The following G6PC1 variants were observed in gnomAD, a reference collection of about 807,000 sequenced individuals.
G6PC1 encodes the protein glucose-6-phosphatase catalytic subunit 1.
Under a neutral mutation model 30.4 loss-of-function variants are expected in G6PC1, and 23 were observed. The ratio of observed to expected loss-of-function variants is 0.76; its 90% CI spans 0.55 to 1.07. The LOEUF is 1.07. Ranked by LOEUF, G6PC1 falls within the 50% of genes least tolerant of loss-of-function variation. The pLI, the probability that G6PC1 is intolerant of heterozygous loss-of-function variation, is 0.00. For synonymous variants in G6PC1, 163 were observed against 175.6 expected (o/e 0.93, Z 0.57); for missense variants, 391 against 433.9 (o/e 0.90, Z 0.88).
Position 42,910,997 on chromosome 17 carries a change from C to T in G6PC1, c.645C>T (p.Phe215=). The change falls in exon 5 of 5, where the codon TTC becomes TTT. Residue 215 remains phenylalanine (F), a synonymous_variant. Transcript: ENST00000253801. ...AGAAATATTTTCTCATTACCTTCTT[C>T]CTGTTCAGCTTCGCCATCGGATTTT... ...SLKKYFLITF[F]LFSFAIGFYL... 1.2e-6 allele frequency: 2 copies of T among 1,614,210 alleles called. No individual in the cohort carries two copies. The highest frequency in any genetic ancestry group is 1.7e-6 in the Non-Finnish European group (2 of 1,180,040).
intron 3 of G6PC1, among the ~76,000 whole-genome samples, 172 bp from the exon 4 acceptor site, chr17:42,909,131 G>T (rs946800170): frequency 6.6e-6 from 1 of 152,044 alleles, no homozygotes; most frequent in Non-Finnish European, 1.5e-5. Flanking sequence ...GGTCTGAGCC[G>T]CTGCACCCAG....
rs972896862 is a variant in G6PC1, at chr17:42,913,911, G to A, written c.*2485G>A. Among the ~76,000 whole-genome samples the A allele has an allele frequency of 2.0e-5, 3 of 152,212 alleles. No individual in the cohort carries two copies. The highest frequency in any genetic ancestry group is 2.1e-4 in the South Asian group (1 of 4,822). ...CTGGGTGCAGGGTTCGACCTCCAAAGGCCTCAAATCATCACCGTATCAATG... is the reference window on the plus strand; with the variant it reads ...CTGGGTGCAGGGTTCGACCTCCAAAAGCCTCAAATCATCACCGTATCAATG... On this transcript the variant is annotated 3_prime_UTR_variant, in exon 5 of 5. Coordinates refer to ENST00000253801, the MANE Select transcript of G6PC1 (RefSeq NM_000151.4).
Position 42,911,193 on chromosome 17 carries a change from A to T in G6PC1, c.841A>T (p.Arg281Trp). ...GCTGGCTCTCAACTCCAGCATGTAC[A>T]GGGAGAGCTGCAAGGGGAAACTCAG... ...LGLALNSSMY[R>W]ESCKGKLSKW... The change falls in exon 5 of 5, where the codon AGG becomes TGG. Residue 281 changes from arginine to tryptophan, a missense_variant. Arg to Trp is a moderately radical substitution (Grantham distance 101, BLOSUM62 -3). Coordinates refer to ENST00000253801, the MANE Select transcript of G6PC1 (RefSeq NM_000151.4). 1 of 1,614,150 alleles carries T rather than the reference A, an allele frequency of 6.2e-7. No homozygotes were observed.
intron 2 of G6PC1, among the ~76,000 whole-genome samples, chr17:42,906,190 G>T (rs1343440369): frequency 1.3e-5 from 2 of 152,068 alleles, no homozygotes; most frequent in Admixed American, 6.6e-5. Context: ...TATCTATGGG[G>T]TTCCCTGGAA....
chr17:42,901,169 T>C (rs2056023986), intron 1 of G6PC1, 63 bp downstream of exon 1: 1 of 1,417,276 alleles, frequency 7.1e-7, no homozygotes, highest in African/African-American at 1.4e-5. Context: ...TCGCAATGTC[T>C]GTCCATCAGA....
rs2151932201 is a variant in G6PC1 at position 42,910,850 on chromosome 17, A to G, written c.563-65A>G. 8 of 1,536,822 alleles carry G rather than the reference A, an allele frequency of 5.2e-6. No homozygotes were observed. In the South Asian group the frequency reaches 8.9e-5, roughly 17 times the overall value. ...GGATGGCATGTCACCCACTCCTCCA[A>G]ACCCACCTCTAGCAAAGGTCCCAAA... On this transcript the variant is annotated intron_variant, in intron 4 of 4. Coordinates refer to ENST00000253801, the MANE Select transcript of G6PC1 (RefSeq NM_000151.4).
chr17:42,911,506 T>C lies in G6PC1; in HGVS notation c.*80T>C. The C allele has an allele frequency of 1.9e-6, 3 of 1,594,252 alleles. No individual in the cohort carries two copies. Among genetic ancestry groups the C allele is most frequent in the Non-Finnish European group, 2.6e-6 (3 of 1,167,030 alleles). On this transcript the variant is annotated 3_prime_UTR_variant, in exon 5 of 5. Coordinates refer to ENST00000253801, the MANE Select transcript of G6PC1 (RefSeq NM_000151.4). ...GACTACTATTTGAAGCAATGGGCAC[T>C]GGTATTTGGAGCAAGTGACATGCCA...
chr17:42,900,826 AT>A lies in G6PC1; in HGVS notation c.-50del. On this transcript the variant is annotated 5_prime_UTR_variant, in exon 1 of 5. Transcript: ENST00000253801. ...CAGAGCAATCACCACCAAGCCTGGA[AT>A]AACTGCAAGGGCTCTGCTGACATCT... 3.4e-6 allele frequency: 5 copies of A among 1,478,712 alleles called. No individual in the cohort carries two copies. Among genetic ancestry groups the A allele is most frequent in the Non-Finnish European group, 2.8e-6 (3 of 1,059,716 alleles). 91.6% of individuals were successfully genotyped at this position (1,478,712 alleles called of 1,614,324 possible).
rs1597989983 is a variant in G6PC1 at position 42,907,629 on chromosome 17, G to C, written c.446+1G>C. The C allele has an allele frequency of 5.0e-6, 8 of 1,607,412 alleles. No homozygotes were observed. The highest frequency in any genetic ancestry group is 6.8e-6 in the Non-Finnish European group (8 of 1,174,254). On this transcript the variant is annotated splice_donor_variant, in intron 3 of 4. Transcript: ENST00000253801. LOFTEE classifies it high-confidence loss of function. The stretch of plus-strand genomic sequence containing the variant: ...AGATAAAGCCGACCTACAGATTTCG[G>C]TAAGAACTCACCACTGGGGTGTAGG...
intron 4 of G6PC1, 47 bp downstream of exon 4, chr17:42,909,465 G>A (rs780486456): frequency 5.8e-6 from 8 of 1,382,124 alleles, no homozygotes; most frequent in Non-Finnish European, 7.2e-6. Context: ...ACCCCATTCC[G>A]TTTCTCTCCC....
rs1371309452 is a variant in G6PC1 at position 42,900,981 on chromosome 17, G to C, written c.105G>C (p.Val35=). The change falls in exon 1 of 5, where the codon GTG becomes GTC. Residue 35 remains valine, a synonymous_variant. Transcript: ENST00000253801. ...DSQDWFILVS[V]IADLRNAFYV... ...AGGACTGGTTCATCTTGGTGTCCGTGATCGCAGACCTCAGGAATGCCTTCT... is the reference window on the plus strand; with the variant it reads ...AGGACTGGTTCATCTTGGTGTCCGTCATCGCAGACCTCAGGAATGCCTTCT... 2 of 1,614,184 alleles carry C rather than the reference G, an allele frequency of 1.2e-6. No homozygotes were observed. The highest frequency in any genetic ancestry group is 1.1e-5 in the South Asian group (1 of 91,084).
At chr17:42,907,498 C>T in intron 2 of G6PC1, 25 bp from the exon 3 acceptor site, 1 of 1,542,782 alleles carries the variant, frequency 6.5e-7, no homozygotes, top group East Asian at 2.2e-5. Context: ...TTCACCTTTA[C>T]TCCATTCTCT....
At chr17:42,903,863 T>C (rs2056042140) in intron 1 of G6PC1, 68 bp from the exon 2 acceptor site, 3 of 1,017,038 alleles carry the variant, frequency 2.9e-6, no homozygotes, top group African/African-American at 1.6e-5. Flanking sequence ...ACACTCTTCT[T>C]GAAGGTGTAG....
rs539331816 is a variant in G6PC1 at position 42,902,414 on chromosome 17, A to AT, written c.230+1316dup. ...AGGTGCCCGCCACCATGCCCAGCTAATTTTTTTTGTATTTTTAGTAGAGAC... is the reference window on the plus strand; with the variant it reads ...AGGTGCCCGCCACCATGCCCAGCTAATTTTTTTTTGTATTTTTAGTAGAGAC... On this transcript the variant is annotated intron_variant, in intron 1 of 4. Coordinates refer to ENST00000253801, the MANE Select transcript of G6PC1 (RefSeq NM_000151.4). 2.8e-4 allele frequency among the ~76,000 whole-genome samples: 42 copies of AT among 151,726 alleles called. 2 individuals are homozygous for AT. In the South Asian group the frequency reaches 6.5e-3, roughly 23 times the overall value.
rs1416361981 is a variant in G6PC1, at chr17:42,911,203, G to A, written c.851G>A (p.Cys284Tyr). Residue 284 changes from cysteine to tyrosine, a missense_variant, in exon 5 of 5, where the codon TGC becomes TAC. By Grantham distance (194) the Cys-to-Tyr change is radical. Transcript: ENST00000253801. Reference sequence around the variant, plus strand: ...AACTCCAGCATGTACAGGGAGAGCTGCAAGGGGAAACTCAGCAAGTGGCTC... The same window carrying A: ...AACTCCAGCATGTACAGGGAGAGCTACAAGGGGAAACTCAGCAAGTGGCTC... ...ALNSSMYRES[C>Y]KGKLSKWLPF... is the part of the protein sequence containing the mutation. The A allele has an allele frequency of 1.9e-6, 3 of 1,614,072 alleles. No homozygotes were observed. The African/African-American group carries it at 4.0e-5, about 22-fold the overall frequency.
chr17:42,901,489 G>A (rs1315374767), intron 1 of G6PC1, among the ~76,000 whole-genome samples: 1 of 152,072 alleles, frequency 6.6e-6, no homozygotes, highest in African/African-American at 2.4e-5. Context: ...AGGCCGAGGT[G>A]GGCGAATCAC....
chr17:42,908,259 T>C (rs1251741354), intron 3 of G6PC1, among the ~76,000 whole-genome samples: 1 of 151,960 alleles, frequency 6.6e-6, no homozygotes. Context: ...CTGGTCTTGA[T>C]CTCAAGCAAT....
At chr17:42,910,832 A>G (rs1567706208) in intron 4 of G6PC1, 83 bp from the exon 5 acceptor site, 1 of 1,303,374 alleles carries the variant, frequency 7.7e-7, no homozygotes, top group Non-Finnish European at 1.1e-6. Flanking sequence ...AACGGATGGC[A>G]TGTCACCCAC....
chr17:42,901,696 C>A (rs904425686), intron 1 of G6PC1, among the ~76,000 whole-genome samples: 2 of 147,922 alleles, frequency 1.4e-5, no homozygotes, highest in Non-Finnish European at 3.0e-5. Context: ...CAGAGTAAGA[C>A]CCTGTCTCAA....
Sources: gnomAD v4.1 joint callset for allele counts (sites outside exome capture counted in the v4.1 genomes callset) on GRCh38, gnomAD v4.1.1 for gene constraint, MANE v1.5 for transcripts, NCBI Gene and HGNC (gene_info 2026-07-23, HGNC 2026-07-21) for gene names.